The following DYSF variants were observed in gnomAD, a reference collection of about 807,000 sequenced individuals.
DYSF encodes the protein dystrophy-associated fer-1-like 1.
In DYSF, 212 loss-of-function variants were observed where a neutral mutation model predicts 274.9. The observed-to-expected ratio is 0.77, with a 90% CI of 0.69 to 0.86. The LOEUF is 0.86. DYSF is among the 40% of genes least tolerant of loss of function. The probability of loss-of-function intolerance (pLI) is 0.00; values close to 1 mark genes in which losing one functional copy is unlikely to be tolerated. For synonymous variants in DYSF, 1,091 were observed against 1,078.7 expected, an observed-to-expected ratio of 1.01 and a Z score of -0.22; for missense variants, 2,666 against 2,783.2, an observed-to-expected ratio of 0.96 and a Z score of 0.95.
At chr2:71,560,787 G>A (rs2091694384) in intron 22 of DYSF, among the ~76,000 whole-genome samples, 1 of 152,162 alleles carries the variant, frequency 6.6e-6, no homozygotes, top group Non-Finnish European at 1.5e-5. Context: ...GGGGAGGTGG[G>A]GGGTGCTGCA....
Position 71,640,039 on chromosome 2 carries a change from G to C in DYSF, c.4528-3926G>C, listed in dbSNP as rs558589946. The stretch of plus-strand genomic sequence containing the variant: ...CTGATACTATTATTTTTCCATTACA[G>C]ATAATTGAGTCCAAGAGAGGTTAAG... On this transcript the variant is annotated intron_variant, in intron 41 of 55. Coordinates refer to ENST00000410020, the MANE Select transcript of DYSF (RefSeq NM_001130987.2). 6.6e-5 allele frequency among the ~76,000 whole-genome samples: 10 copies of C among 152,286 alleles called. No individual in the cohort carries two copies. In the South Asian group the frequency reaches 1.7e-3, roughly 25 times the overall value.
chr2:71,599,315 C>T (rs546066325), intron 33 of DYSF, among the ~76,000 whole-genome samples: 1 of 152,132 alleles, frequency 6.6e-6, no homozygotes, highest in African/African-American at 2.4e-5. Flanking sequence ...TCTAGCTGCA[C>T]GAGGCTGCCC....
chr2:71,563,033 G>A (rs545082241), intron 23 of DYSF, among the ~76,000 whole-genome samples: 183 of 152,308 alleles, frequency 1.2e-3, no homozygotes, highest in Non-Finnish European at 2.0e-3. Flanking sequence ...GAATCCCTTG[G>A]AGGGCTTGTG....
At chr2:71,473,373 C>T (rs1275757840) in intron 1 of DYSF, among the ~76,000 whole-genome samples, 1 of 152,142 alleles carries the variant, frequency 6.6e-6, no homozygotes, top group Non-Finnish European at 1.5e-5. Flanking sequence ...CTAATGGGGC[C>T]GTCAAGAAAC....
intron 14 of DYSF, among the ~76,000 whole-genome samples, chr2:71,531,026 G>T (rs1420958092): frequency 6.6e-6 from 1 of 151,728 alleles, no homozygotes; most frequent in African/African-American, 2.4e-5. Context: ...TGGTATGGAA[G>T]AAAGAAAAGG....
chr2:71,550,016 G>A (rs1338169710), intron 17 of DYSF, among the ~76,000 whole-genome samples: 1 of 152,156 alleles, frequency 6.6e-6, no homozygotes, highest in African/African-American at 2.4e-5. Flanking sequence ...CCTAGGGTCT[G>A]GGCAGGGGCT....
chr2:71,523,406 A>T (rs1296867457), intron 12 of DYSF, among the ~76,000 whole-genome samples: 2 of 152,170 alleles, frequency 1.3e-5, no homozygotes, highest in African/African-American at 4.8e-5. Flanking sequence ...CTAAAAATTG[A>T]GGGTTTGTTA....
chr2:71,546,853 G>A (rs528375256), intron 17 of DYSF, among the ~76,000 whole-genome samples: 1 of 152,370 alleles, frequency 6.6e-6, no homozygotes, highest in Non-Finnish European at 1.5e-5. Context: ...GAGAGGCAGA[G>A]GGAGCTGGCG....
chr2:71,495,802 G>C (rs563898510), intron 3 of DYSF, among the ~76,000 whole-genome samples: 1 of 152,056 alleles, frequency 6.6e-6, no homozygotes, highest in Admixed American at 6.5e-5. Flanking sequence ...ACTGGGGCAG[G>C]GGCTCTGCTA....
At chr2:71,641,336 G>T (rs1000890951) in intron 41 of DYSF, among the ~76,000 whole-genome samples, 5 of 151,038 alleles carry the variant, frequency 3.3e-5, no homozygotes, top group Admixed American at 1.3e-4. Context: ...CCGCCACCAC[G>T]CCCGGCTAAT....
chr2:71,455,346 T>C (rs1383980227), intron 1 of DYSF, among the ~76,000 whole-genome samples: 2 of 152,178 alleles, frequency 1.3e-5, no homozygotes, highest in East Asian at 1.9e-4. Context: ...AGTTGCTGAA[T>C]GGTCCTGAGG....
At chr2:71,630,678 C>T (rs1340351241) in intron 41 of DYSF, among the ~76,000 whole-genome samples, 1 of 152,202 alleles carries the variant, frequency 6.6e-6, no homozygotes, top group East Asian at 1.9e-4. Context: ...AGTGAGAAAT[C>T]AGAATGAGGA....
upstream of DYSF, among the ~76,000 whole-genome samples, chr2:71,462,390 G>A (rs1187850095): frequency 1.3e-5 from 2 of 152,198 alleles, no homozygotes; most frequent in Non-Finnish European, 2.9e-5. Flanking sequence ...AGGAACTGCA[G>A]AGCCCCAAAG....
In DYSF at chr2:71,480,913, A is replaced by G. The variant is rs749801723; in HGVS notation, c.122A>G (p.Asn41Ser). 1.2e-5 allele frequency: 19 copies of G among 1,614,070 alleles called. No homozygotes were observed. The highest frequency in any genetic ancestry group is 1.3e-5 in the Non-Finnish European group (15 of 1,180,020). Residue 41 changes from asparagine (N) to serine (S), a missense_variant, in exon 2 of 56, where the codon AAC becomes AGC. Coordinates refer to ENST00000410020, the MANE Select transcript of DYSF (RefSeq NM_001130987.2). ...GVKKRTKVIKNSVNPVWNEGF... is the reference protein window; with the variant it reads ...GVKKRTKVIKSSVNPVWNEGF... ...AAGAAGAGAACCAAAGTCATCAAGAACAGCGTGAACCCTGTATGGAATGAG... is the reference window on the plus strand; with the variant it reads ...AAGAAGAGAACCAAAGTCATCAAGAGCAGCGTGAACCCTGTATGGAATGAG...
chr2:71,619,651 C>T (rs1332259590), intron 40 of DYSF, among the ~76,000 whole-genome samples: 1 of 152,184 alleles, frequency 6.6e-6, no homozygotes, highest in Non-Finnish European at 1.5e-5. Context: ...CAGCACCTAC[C>T]CTCCTGACCC....
chr2:71,664,588 A>T, intron 46 of DYSF, 150 bp downstream of exon 46: 5 of 903,482 alleles, frequency 5.5e-6, no homozygotes, highest in East Asian at 2.7e-5. Flanking sequence ...TGGGAGTCCT[A>T]TCCCCACTCC....
rs140067231 is a variant in DYSF at position 71,623,175 on chromosome 2, A to AT, written c.4527+2577dup. 5.3e-5 allele frequency among the ~76,000 whole-genome samples: 8 copies of AT among 150,962 alleles called. No homozygotes were observed. In the South Asian group the frequency reaches 6.3e-4, roughly 12 times the overall value. ...GATAAAGTTGATTAAATAGGGACTT[A>AT]TTTTTTTTTTTAATTGTACTTTAGG... On this transcript the variant is annotated intron_variant, in intron 41 of 55. Coordinates refer to ENST00000410020, the MANE Select transcript of DYSF (RefSeq NM_001130987.2).
rs547240655 is a variant in DYSF, at chr2:71,558,201, C to G, written c.2216+2130C>G. ...TGAATATGGGAGCCACAGGAGGGTT[C>G]AGAATGATCCCCTGATCCTGGCCAG... On this transcript the variant is annotated intron_variant, in intron 22 of 55. Coordinates refer to ENST00000410020, the MANE Select transcript of DYSF (RefSeq NM_001130987.2). Among the ~76,000 whole-genome samples, 192 of 152,206 alleles carry G rather than the reference C, an allele frequency of 1.3e-3. 1 individual carries two copies. The highest frequency in any genetic ancestry group is 2.1e-3 in the Non-Finnish European group (144 of 68,016).
chr2:71,579,148 C>A (rs546525793), intron 30 of DYSF, among the ~76,000 whole-genome samples: 4 of 152,146 alleles, frequency 2.6e-5, no homozygotes, highest in Non-Finnish European at 4.4e-5. Context: ...CCAGTCACCC[C>A]CTCCTGACGC....
Sources: gnomAD v4.1 joint callset for allele counts (sites outside exome capture counted in the v4.1 genomes callset) on GRCh38, gnomAD v4.1.1 for gene constraint, MANE v1.5 for transcripts, NCBI Gene and HGNC (gene_info 2026-07-23, HGNC 2026-07-21) for gene names.